Variants in MBD5 observed in about 807,000 individuals in gnomAD.
MBD5 encodes the protein methyl-CpG-binding domain protein 5.
In MBD5, 13 loss-of-function variants were observed where a neutral mutation model predicts 117.3. The ratio of observed to expected loss-of-function variants is 0.11; its 90% confidence interval spans 0.07 to 0.18. The LOEUF (loss-of-function observed/expected upper bound fraction) is 0.18. Ranked by LOEUF, MBD5 falls within the 10% of genes least tolerant of loss-of-function variation. The pLI is 1.00. For missense variants in MBD5, 1,879 were observed against 2,093.8 expected (o/e 0.90, Z 2.00); for synonymous variants, 727 against 766.4 (o/e 0.95, Z 0.85).
chr2:148,031,479 A>G (rs1295530151), intron 1 of MBD5, among the ~76,000 whole-genome samples: 2 of 152,118 alleles, frequency 1.3e-5, no homozygotes, highest in African/African-American at 2.4e-5. Context: ...AAAGCTTCCA[A>G]TGGGTGAGAG....
At chr2:148,256,448 C>T (rs1009608609) in intron 3 of MBD5, among the ~76,000 whole-genome samples, 4 of 152,216 alleles carry the variant, frequency 2.6e-5, no homozygotes, top group African/African-American at 9.6e-5. Context: ...AGAGGTCTTG[C>T]CACGTGGCTT....
chr2:148,090,737 A>G (rs1414144583), intron 1 of MBD5, among the ~76,000 whole-genome samples: 1 of 152,154 alleles, frequency 6.6e-6, no homozygotes, highest in Admixed American at 6.5e-5. Context: ...AGCCAACATC[A>G]TATGGAATGG....
At chr2:148,182,087 G>A (rs897972299) in intron 2 of MBD5, among the ~76,000 whole-genome samples, 8 of 151,864 alleles carry the variant, frequency 5.3e-5, no homozygotes, top group African/African-American at 1.9e-4. Flanking sequence ...ATGTTAACGA[G>A]TAGTAGTGAT....
At chr2:148,366,187 A>C (rs1028015126) in intron 4 of MBD5, among the ~76,000 whole-genome samples, 11 of 152,184 alleles carry the variant, frequency 7.2e-5, no homozygotes, top group African/African-American at 1.4e-4. Context: ...CAGATCAATA[A>C]ATGCAATCCA....
intron 1 of MBD5, among the ~76,000 whole-genome samples, chr2:148,059,719 A>T (rs999543166): frequency 6.6e-6 from 1 of 151,872 alleles, no homozygotes; most frequent in South Asian, 2.1e-4. Flanking sequence ...TGTGGCGGGC[A>T]CCTGTAGTCC....
intron 1 of MBD5, among the ~76,000 whole-genome samples, chr2:148,146,687 T>A (rs952723222): frequency 3.3e-5 from 5 of 152,020 alleles, no homozygotes; most frequent in African/African-American, 1.2e-4. Context: ...TTATTATTAC[T>A]GCCCCTTTCT....
intron 1 of MBD5, among the ~76,000 whole-genome samples, chr2:148,112,805 G>A (rs1036207584): frequency 1.3e-5 from 2 of 151,922 alleles, no homozygotes; most frequent in Non-Finnish European, 2.9e-5. Context: ...CAGGAGTCCT[G>A]TTCTGGCACT....
intron 2 of MBD5, among the ~76,000 whole-genome samples, chr2:148,195,420 G>A (rs541981937): frequency 3.2e-3 from 481 of 152,242 alleles, no homozygotes; most frequent in Non-Finnish European, 5.5e-3. Flanking sequence ...ACTGGTAAGA[G>A]TTGAAAGAAG....
At chr2:148,331,555 T>C (rs1702656813) in intron 3 of MBD5, among the ~76,000 whole-genome samples, 1 of 152,174 alleles carries the variant, frequency 6.6e-6, no homozygotes, top group South Asian at 2.1e-4. Context: ...AAAGGAACTT[T>C]CAAAGTTTTG....
At chr2:148,215,167 A>G (rs2106032019) in intron 2 of MBD5, among the ~76,000 whole-genome samples, 1 of 152,292 alleles carries the variant, frequency 6.6e-6, no homozygotes, top group East Asian at 1.9e-4. Context: ...TTCATTACTA[A>G]CAGTAGTGTG....
In MBD5 at chr2:148,241,236, A is replaced by G. The variant is rs563356701; in HGVS notation, c.-680+7841A>G. Among the ~76,000 whole-genome samples the G allele has an allele frequency of 1.1e-4, 17 of 152,174 alleles. No homozygotes were observed. In the South Asian group the frequency reaches 3.5e-3, roughly 32 times the overall value. On this transcript the variant is annotated intron_variant, in intron 3 of 13. Coordinates refer to ENST00000642680, the MANE Select transcript of MBD5 (RefSeq NM_001378120.1). ...GTTAAATCAGTAGCTGCTCACATTTATCTAGTGAAGGCTTGGTTTGATGTT... is the reference window on the plus strand; with the variant it reads ...GTTAAATCAGTAGCTGCTCACATTTGTCTAGTGAAGGCTTGGTTTGATGTT...
At chr2:148,301,281 G>C (rs553334559) in intron 3 of MBD5, among the ~76,000 whole-genome samples, 7 of 152,312 alleles carry the variant, frequency 4.6e-5, no homozygotes, top group Non-Finnish European at 1.0e-4. Flanking sequence ...TAAAGGGACA[G>C]TGTGTCTGGA....
At chr2:148,366,613 A>T (rs1033206051) in intron 4 of MBD5, among the ~76,000 whole-genome samples, 8 of 152,324 alleles carry the variant, frequency 5.3e-5, no homozygotes, top group African/African-American at 1.9e-4. Context: ...TAGGCTGATG[A>T]GCAACTTCAG....
intron 4 of MBD5, among the ~76,000 whole-genome samples, chr2:148,408,666 T>C (rs892013016): frequency 2.6e-5 from 4 of 152,168 alleles, no homozygotes; most frequent in African/African-American, 9.7e-5. Context: ...ATTTGGGTAA[T>C]TGGGCTTCAT....
At chr2:148,260,689 C>G (rs962275767) in intron 3 of MBD5, 2 of 209,098 alleles carry the variant, frequency 9.6e-6, no homozygotes, top group Non-Finnish European at 2.0e-5. Context: ...CCAGATGCTG[C>G]TCTACCCAGG....
intron 4 of MBD5, among the ~76,000 whole-genome samples, chr2:148,436,932 C>A (rs1256920017): frequency 2.0e-5 from 3 of 151,806 alleles, no homozygotes; most frequent in African/African-American, 7.3e-5. Context: ...TTAAAGCTTC[C>A]CTACTAATTT....
At chr2:148,099,806 C>G (rs912451798) in intron 1 of MBD5, among the ~76,000 whole-genome samples, 3 of 152,196 alleles carry the variant, frequency 2.0e-5, no homozygotes, top group African/African-American at 7.2e-5. Context: ...ATATCTACTT[C>G]CTCCAGTTTT....
intron 4 of MBD5, among the ~76,000 whole-genome samples, chr2:148,430,385 C>A (rs1024805781): frequency 6.6e-6 from 1 of 152,142 alleles, no homozygotes; most frequent in African/African-American, 2.4e-5. Context: ...TCTTAACCAA[C>A]ATACTGTGCT....
In MBD5 at chr2:148,498,382, T is replaced by C. The variant is rs1403984455; in HGVS notation, c.4963-4054T>C. Among the ~76,000 whole-genome samples the C allele has an allele frequency of 5.9e-5, 9 of 152,220 alleles. No individual in the cohort carries two copies. In the South Asian group the frequency reaches 8.3e-4, roughly 14 times the overall value. On this transcript the variant is annotated intron_variant, in intron 11 of 13. Coordinates refer to ENST00000642680, the MANE Select transcript of MBD5 (RefSeq NM_001378120.1). ...TCGTTTTTGTTTGTTTGGTTTTTGTTTTGTTTTTGAGATGGAGTCTCTCGG... is the reference window on the plus strand; with the variant it reads ...TCGTTTTTGTTTGTTTGGTTTTTGTCTTGTTTTTGAGATGGAGTCTCTCGG...
Sources: gnomAD v4.1 joint callset for allele counts (sites outside exome capture counted in the v4.1 genomes callset) on GRCh38, gnomAD v4.1.1 for gene constraint, MANE v1.5 for transcripts, NCBI Gene and HGNC (gene_info 2026-07-23, HGNC 2026-07-21) for gene names.